The following ROBO2 variants were observed in gnomAD, a reference collection of about 807,000 sequenced individuals.
The protein encoded by ROBO2 is roundabout guidance receptor 2.
In ROBO2, 53 loss-of-function variants were observed where a neutral mutation model predicts 160.8. That is an observed-to-expected ratio of 0.33 (90% CI 0.26 to 0.41). The LOEUF is 0.41. Among genes scored for constraint, ROBO2 ranks in the 10% least tolerant of loss-of-function variants. ROBO2 has a pLI of 1.00. For missense variants in ROBO2, 1,577 were observed against 1,722.4 expected, an observed-to-expected ratio of 0.92 and a Z score of 1.49; for synonymous variants, 664 against 611.7, an observed-to-expected ratio of 1.09 and a Z score of -1.26.
intron 2 of ROBO2, among the ~76,000 whole-genome samples, chr3:76,133,075 C>G (rs969376277): frequency 6.6e-6 from 1 of 151,992 alleles, no homozygotes; most frequent in Admixed American, 6.6e-5. Flanking sequence ...ATACTGGGAA[C>G]ATAGTAAAGG....
At chr3:77,430,664 A>G (rs1398907410) in intron 2 of ROBO2, among the ~76,000 whole-genome samples, 1 of 152,036 alleles carries the variant, frequency 6.6e-6, no homozygotes, top group Non-Finnish European at 1.5e-5. Flanking sequence ...CCACTACAGG[A>G]GGGCACCATC....
chr3:76,118,745 C>T (rs575100865), intron 2 of ROBO2, among the ~76,000 whole-genome samples: 1 of 152,230 alleles, frequency 6.6e-6, no homozygotes, highest in African/African-American at 2.4e-5. Context: ...AAATGTGAAT[C>T]TTTTCTAATC....
chr3:76,778,009 C>T lies in ROBO2; in HGVS notation c.110-320005C>T, dbSNP rs533983906. Among the ~76,000 whole-genome samples, 3 of 151,148 alleles carry T rather than the reference C, an allele frequency of 2.0e-5. No homozygotes were observed. In the East Asian group the frequency reaches 5.9e-4, roughly 30 times the overall value. On this transcript the variant is annotated intron_variant, in intron 2 of 26. Transcript: ENST00000487694. ...TTCTAGGATGTGTGCATGTATTTCC[C>T]TACATATACCTACCTCCCTTGCACC...
chr3:76,962,320 C>A (rs563719457), intron 2 of ROBO2, among the ~76,000 whole-genome samples: 2 of 151,162 alleles, frequency 1.3e-5, no homozygotes, highest in Non-Finnish European at 2.9e-5. Context: ...GGCAACAGAG[C>A]GAGATTCCAT....
intron 2 of ROBO2, among the ~76,000 whole-genome samples, chr3:76,391,511 G>T (rs913511176): frequency 7.0e-6 from 1 of 142,844 alleles, no homozygotes; most frequent in East Asian, 1.9e-4. Flanking sequence ...TCTTCCTCAT[G>T]ATGGTGATAC....
intron 2 of ROBO2, among the ~76,000 whole-genome samples, chr3:77,210,777 C>T (rs1028294070): frequency 2.0e-5 from 3 of 151,494 alleles, no homozygotes; most frequent in Admixed American, 1.3e-4. Context: ...TGTGATGTTC[C>T]CCTTCCTGTG....
intron 2 of ROBO2, among the ~76,000 whole-genome samples, chr3:76,025,907 C>A (rs1273964885): frequency 6.6e-6 from 1 of 151,828 alleles, no homozygotes; most frequent in Non-Finnish European, 1.5e-5. Context: ...TTTTTCCAGT[C>A]CAGAATTTCT....
intron 2 of ROBO2, among the ~76,000 whole-genome samples, chr3:76,319,282 T>C (rs1418777025): frequency 6.6e-6 from 1 of 152,128 alleles, no homozygotes; most frequent in Non-Finnish European, 1.5e-5. Flanking sequence ...ATATGCAGCT[T>C]CACACACAAA....
chr3:76,881,702 T>C (rs2073350304), intron 2 of ROBO2, among the ~76,000 whole-genome samples: 2 of 152,244 alleles, frequency 1.3e-5, no homozygotes, highest in Admixed American at 1.3e-4. Flanking sequence ...CATAGGTCAA[T>C]AGTTTTCTCT....
intron 2 of ROBO2, among the ~76,000 whole-genome samples, chr3:76,963,712 C>G (rs993424627): frequency 9.9e-5 from 15 of 150,864 alleles, no homozygotes; most frequent in African/African-American, 3.7e-4. Context: ...CCAAGTAGCC[C>G]ACAGAAGGAA....
chr3:76,386,659 C>A (rs2076905742), intron 2 of ROBO2, among the ~76,000 whole-genome samples: 1 of 151,994 alleles, frequency 6.6e-6, no homozygotes, highest in Non-Finnish European at 1.5e-5. Context: ...TAAATAATCA[C>A]TTAGGACAAA....
intron 1 of ROBO2, among the ~76,000 whole-genome samples, chr3:75,907,395 G>A (rs1946393079): frequency 6.6e-6 from 1 of 152,074 alleles, no homozygotes; most frequent in African/African-American, 2.4e-5. Context: ...TGGTCTCTAA[G>A]TTTGGGGGTG....
intron 2 of ROBO2, among the ~76,000 whole-genome samples, chr3:76,082,844 G>A (rs1053559333): frequency 1.3e-5 from 2 of 152,042 alleles, no homozygotes; most frequent in Non-Finnish European, 2.9e-5. Context: ...TAGCTACTCA[G>A]TAAATATTTT....
At chr3:76,584,608 CA>C (rs2085915940) in intron 2 of ROBO2, among the ~76,000 whole-genome samples, 1 of 152,092 alleles carries the variant, frequency 6.6e-6, no homozygotes, top group Admixed American at 6.6e-5. Flanking sequence ...CAGAAGGGAC[CA>C]ACGCAGCTGA....
chr3:77,538,792 A>T (rs555194450), intron 6 of ROBO2: 2 of 419,168 alleles, frequency 4.8e-6, no homozygotes, highest in East Asian at 1.3e-4. Context: ...TTGAATATAA[A>T]TTGAGTAAAC....
intron 2 of ROBO2, among the ~76,000 whole-genome samples, chr3:76,283,136 G>GTATATATATATAAAAATATATATA (rs1553695777): frequency 1.6e-5 from 1 of 63,540 alleles, no homozygotes; most frequent in East Asian, 7.8e-4. Flanking sequence ...ATATAAAACT[G>GTATATATATATAAAAATATATATA]TATATATATA....
intron 2 of ROBO2, among the ~76,000 whole-genome samples, chr3:76,649,606 AC>A (rs2091157445): frequency 6.6e-6 from 1 of 152,152 alleles, no homozygotes; most frequent in Admixed American, 6.5e-5. Context: ...AGTGACCTTC[AC>A]TGGTCATTCA....
chr3:76,296,751 G>T (rs1709095624), intron 2 of ROBO2, among the ~76,000 whole-genome samples: 1 of 152,156 alleles, frequency 6.6e-6, no homozygotes. Flanking sequence ...TGCATATGGT[G>T]CCAGTGTCTA....
intron 2 of ROBO2, among the ~76,000 whole-genome samples, chr3:76,332,709 AATTTAATACTTTCCACCTCTGTGGCC>A (rs2073581123): frequency 6.6e-6 from 1 of 152,242 alleles, no homozygotes. Context: ...CAAAGAGAGT[AATTTAATACTTTCCACCTCTGTGGCC>A]ACATAAAAAT....
Sources: gnomAD v4.1 joint callset for allele counts (sites outside exome capture counted in the v4.1 genomes callset) on GRCh38, gnomAD v4.1.1 for gene constraint, MANE v1.5 for transcripts, NCBI Gene and HGNC (gene_info 2026-07-23, HGNC 2026-07-21) for gene names.